The following FOSB variants were observed in gnomAD, a reference collection of about 807,000 sequenced individuals.
The protein encoded by FOSB is FosB proto-oncogene, AP-1 transcription factor subunit, also known as protein FosB.
FOSB carries 8 observed loss-of-function variants against 31.1 expected under a neutral mutation model. The observed-to-expected ratio is 0.26, with a 90% CI of 0.15 to 0.46. The LOEUF is 0.46. Among genes scored for constraint, FOSB ranks in the 20% least tolerant of loss-of-function variants. The probability of loss-of-function intolerance (pLI) is 0.99; values close to 1 mark genes in which losing one functional copy is unlikely to be tolerated. For missense variants in FOSB, 376 were observed against 460.6 expected (o/e 0.82, Z 1.68); for synonymous variants, 214 against 206.1 (o/e 1.04, Z -0.33).
chr19:45,469,540 C>T (rs761915848), intron 1 of FOSB, among the ~76,000 whole-genome samples: 30 of 152,214 alleles, frequency 2.0e-4, no homozygotes, highest in Non-Finnish European at 2.6e-4. Context: ...GGGAGGGGAT[C>T]CCTGTCGTGA....
chr19:45,473,216 T>G lies in FOSB; in HGVS notation c.*204T>G. The G allele has an allele frequency of 8.3e-6, 4 of 482,616 alleles. No individual in the cohort carries two copies. Among genetic ancestry groups the G allele is most frequent in the Non-Finnish European group, 1.5e-5 (4 of 270,642 alleles). 29.9% of individuals were successfully genotyped at this position (482,616 alleles called of 1,614,324 possible). ...TGTTTTGTCCTGCCTCTTGTTTCTG[T>G]GCCCCGGCGAGGCCGGAGAGCTGGT... On this transcript the variant is annotated 3_prime_UTR_variant, in exon 4 of 4. Transcript: ENST00000353609.
At chr19:45,471,375 C>A in intron 3 of FOSB, 74 bp downstream of exon 3, 2 of 1,072,442 alleles carry the variant, frequency 1.9e-6, no homozygotes, top group Non-Finnish European at 2.8e-6. Context: ...CCCTCTCCAC[C>A]TGTACCCTTA....
chr19:45,471,496 T>TTCCCCC (rs554075650), intron 3 of FOSB, 195 bp downstream of exon 3: 1 of 362,734 alleles, frequency 2.8e-6, no homozygotes, highest in Non-Finnish European at 4.9e-6. Flanking sequence ...CAACTCCTGG[T>TTCCCCC]CCCCCCCCCA....
chr19:45,472,510 C>G lies in FOSB; in HGVS notation c.556-41C>G. ...CCGGTCACTGACATGCTTTTTTCTC[C>G]TTCCTCTCTCTCTTCTGTGACCTGG... On this transcript the variant is annotated intron_variant, in intron 3 of 3. Coordinates refer to ENST00000353609, the MANE Select transcript of FOSB (RefSeq NM_006732.3). This position sits in a 1 kb window ranked among gnomAD's most constrained non-coding sequence, Gnocchi z 5.4. 6.9e-7 allele frequency: 1 copy of G among 1,441,738 alleles called. No individual in the cohort carries two copies. Among genetic ancestry groups the G allele is most frequent in the Non-Finnish European group, 9.2e-7 (1 of 1,086,448 alleles). The allele number at this position is 1,441,738 out of a possible 1,614,324, so 89.3% of individuals were successfully genotyped here. A position where few individuals can be genotyped will look rare whatever the true frequency, so the allele number is the denominator to read the frequency against.
Position 45,468,342 on chromosome 19 carries a change from G to T in FOSB, c.-245G>T. ...CCTACGGAGCCTGCACTTTCAAGAG[G>T]TACAGCGGCATCCTGTGGGGGCCTG... On this transcript the variant is annotated 5_prime_UTR_variant, in exon 1 of 4. Coordinates refer to ENST00000353609, the MANE Select transcript of FOSB (RefSeq NM_006732.3). This position sits in a 1 kb window ranked among gnomAD's most constrained non-coding sequence, Gnocchi z 4.8. The T allele has an allele frequency of 2.2e-6, 1 of 464,910 alleles. No individual in the cohort carries two copies. The highest frequency in any genetic ancestry group is 4.1e-5 in the East Asian group (1 of 24,524). The allele number at this position is 464,910 out of a possible 1,614,324, so 28.8% of individuals were successfully genotyped here.
Position 45,470,645 on chromosome 19 carries a change from G to A in FOSB, c.143G>A (p.Gly48Glu). 2 of 1,609,268 alleles carry A rather than the reference G, an allele frequency of 1.2e-6. No individual in the cohort carries two copies. Among genetic ancestry groups the A allele is most frequent in the Non-Finnish European group, 1.7e-6 (2 of 1,177,882 alleles). Residue 48 changes from glycine to glutamate, a missense_variant, in exon 2 of 4, where the codon GGG (glycine) becomes GAG (glutamate). Physicochemically the swap from Gly to Glu is moderately conservative, Grantham distance 98. This residue lies in a region of FOSB where 193 missense variants were observed against 207.1 expected (regional missense o/e 0.93). Transcript: ENST00000353609. ...ACCCCGTAGGAGTGCGCCGGTCTCGGGGAAATGCCCGGTTCCTTCGTGCCC... is the reference window on the plus strand; with the variant it reads ...ACCCCGTAGGAGTGCGCCGGTCTCGAGGAAATGCCCGGTTCCTTCGTGCCC... ...AAASQECAGL[G>E]EMPGSFVPTV... is the part of the protein sequence containing the mutation.
chr19:45,469,887 A>T (rs1222703929), intron 1 of FOSB: 1 of 152,076 alleles, frequency 6.6e-6, no homozygotes, highest in Non-Finnish European at 1.5e-5. Flanking sequence ...GAGAGTAGTT[A>T]AGCCTTCAGA....
chr19:45,472,494 G>T lies in FOSB; in HGVS notation c.556-57G>T. The T allele has an allele frequency of 1.4e-6, 2 of 1,389,226 alleles. No individual in the cohort carries two copies. The highest frequency in any genetic ancestry group is 3.2e-5 in the South Asian group (2 of 63,092). 86.1% of individuals were successfully genotyped at this position (1,389,226 alleles called of 1,614,324 possible). A position where few individuals can be genotyped will look rare whatever the true frequency, so the allele number is the denominator to read the frequency against. On this transcript the variant is annotated intron_variant, in intron 3 of 3. Coordinates refer to ENST00000353609, the MANE Select transcript of FOSB (RefSeq NM_006732.3). The surrounding 1 kb of genome is among the most constrained non-coding windows in gnomAD (Gnocchi z 5.4). ...CCATGACCCGAGTTTCCCGGTCACT[G>T]ACATGCTTTTTTCTCCTTCCTCTCT...
Position 45,468,499 on chromosome 19 carries a change from A to G in FOSB, c.-88A>G. 7.0e-7 allele frequency: 1 copy of G among 1,437,786 alleles called. No individual in the cohort carries two copies. The highest frequency in any genetic ancestry group is 1.4e-5 in the African/African-American group (1 of 69,698). 89.1% of individuals were successfully genotyped at this position (1,437,786 alleles called of 1,614,324 possible). A position where few individuals can be genotyped will look rare whatever the true frequency, so the allele number is the denominator to read the frequency against. On this transcript the variant is annotated 5_prime_UTR_variant, in exon 1 of 4. Transcript: ENST00000353609. The surrounding 1 kb of genome is among the most constrained non-coding windows in gnomAD (Gnocchi z 4.8). ...CGGGGACTCCCACGGCTCACCCCGGACTTGCACCTTACTTCCCCAACCCGG... is the reference window on the plus strand; with the variant it reads ...CGGGGACTCCCACGGCTCACCCCGGGCTTGCACCTTACTTCCCCAACCCGG...
At position 45,474,313 on chromosome 19, in the gene FOSB, G is replaced by A. The variant is rs146975878; in HGVS notation, c.*1301G>A. 6.6e-6 allele frequency: 1 copy of A among 152,586 alleles called. No individual in the cohort carries two copies. The highest frequency in any genetic ancestry group is 1.5e-5 in the Non-Finnish European group (1 of 68,008). 9.5% of individuals were successfully genotyped at this position (152,586 alleles called of 1,614,324 possible). On this transcript the variant is annotated 3_prime_UTR_variant, in exon 4 of 4. Transcript: ENST00000353609. Reference sequence around the variant, plus strand: ...TTTGGACTGGCAGACTCAAGGGGCTGGAATCTCATGATTCCATGCCCGAGT... The same window carrying A: ...TTTGGACTGGCAGACTCAAGGGGCTAGAATCTCATGATTCCATGCCCGAGT...
rs956679838 is a variant in FOSB at position 45,473,357 on chromosome 19, C to T, written c.*345C>T. On this transcript the variant is annotated 3_prime_UTR_variant, in exon 4 of 4. Transcript: ENST00000353609. ...GAGGGGGGCGGGTGACGCCCACCTT[C>T]GGGCAGTCCTGTGTGAGGATTAAGG... 10 of 105,946 alleles carry T rather than the reference C, an allele frequency of 9.4e-5. No individual in the cohort carries two copies. The highest frequency in any genetic ancestry group is 8.0e-4 in the Admixed American group (5 of 6,258). The allele number at this position is 105,946 out of a possible 1,614,324, so 6.6% of individuals were successfully genotyped here.
Position 45,469,100 on chromosome 19 carries a change from A to T in FOSB, c.126+388A>T, listed in dbSNP as rs1332570461. ...GGGAAATCCCGGGGAAGCTTCCAGC[A>T]GTCTCTTTTCCTTTCCTCCTCCTTC... is the stretch of plus-strand genomic sequence containing the variant. On this transcript the variant is annotated intron_variant, in intron 1 of 3. Transcript: ENST00000353609. 2.6e-5 allele frequency among the ~76,000 whole-genome samples: 4 copies of T among 152,360 alleles called. No homozygotes were observed. In the South Asian group the frequency reaches 6.2e-4, roughly 24 times the overall value.
rs908609986 is a variant in FOSB at position 45,468,381 on chromosome 19, G to A, written c.-206G>A. The stretch of plus-strand genomic sequence containing the variant: ...TGTGGGGGCCTGGGCACCGCAGGAA[G>A]ACTGCACAGAAACTTTGCCATTGTT... On this transcript the variant is annotated 5_prime_UTR_variant, in exon 1 of 4. Transcript: ENST00000353609. The surrounding 1 kb of genome is among the most constrained non-coding windows in gnomAD (Gnocchi z 4.8). The A allele has an allele frequency of 1.6e-4, 98 of 597,734 alleles. No homozygotes were observed. The highest frequency in any genetic ancestry group is 2.8e-4 in the Non-Finnish European group (94 of 339,032). The allele number at this position is 597,734 out of a possible 1,614,324, so 37.0% of individuals were successfully genotyped here. A position where few individuals can be genotyped will look rare whatever the true frequency, so the allele number is the denominator to read the frequency against.
Position 45,474,463 on chromosome 19 carries a change from C to G in FOSB, c.*1451C>G, listed in dbSNP as rs1202850381. On this transcript the variant is annotated 3_prime_UTR_variant, in exon 4 of 4. Transcript: ENST00000353609. Reference sequence around the variant, plus strand: ...ATCGGGGGGTGGACCACGCCGCCCTCCATCCGTGCTGCATGAAAAACATTC... The same window carrying G: ...ATCGGGGGGTGGACCACGCCGCCCTGCATCCGTGCTGCATGAAAAACATTC... The G allele has an allele frequency of 6.6e-6, 1 of 152,520 alleles. No individual in the cohort carries two copies. Among genetic ancestry groups the G allele is most frequent in the African/African-American group, 2.4e-5 (1 of 41,374 alleles). The allele number at this position is 152,520 out of a possible 1,614,324, so 9.4% of individuals were successfully genotyped here.
chr19:45,468,864 G>A lies in FOSB; in HGVS notation c.126+152G>A, dbSNP rs143428660. The A allele has an allele frequency of 1.1e-6, 1 of 903,478 alleles. No homozygotes were observed. The highest frequency in any genetic ancestry group is 1.6e-6 in the Non-Finnish European group (1 of 619,360). The allele number at this position is 903,478 out of a possible 1,614,324, so 56.0% of individuals were successfully genotyped here. A position where few individuals can be genotyped will look rare whatever the true frequency, so the allele number is the denominator to read the frequency against. On this transcript the variant is annotated intron_variant, in intron 1 of 3. Coordinates refer to ENST00000353609, the MANE Select transcript of FOSB (RefSeq NM_006732.3). The surrounding 1 kb of genome is among the most constrained non-coding windows in gnomAD (Gnocchi z 4.8). ...CAGCGCACTTTGCAAACTGCAAAGA[G>A]TCGGGAGATGTTTGCAATTGGTTGC...
rs1967703599 is a variant in FOSB at position 45,472,218 on chromosome 19, G to C, written c.556-333G>C. The C allele has an allele frequency of 4.8e-6, 1 of 207,504 alleles. No homozygotes were observed. Among genetic ancestry groups the C allele is most frequent in the Admixed American group, 5.7e-5 (1 of 17,544 alleles). The allele number at this position is 207,504 out of a possible 1,614,324, so 12.9% of individuals were successfully genotyped here. A position where few individuals can be genotyped will look rare whatever the true frequency, so the allele number is the denominator to read the frequency against. On this transcript the variant is annotated intron_variant, in intron 3 of 3. Coordinates refer to ENST00000353609, the MANE Select transcript of FOSB (RefSeq NM_006732.3). This position sits in a 1 kb window ranked among gnomAD's most constrained non-coding sequence, Gnocchi z 5.4. Reference sequence around the variant, plus strand: ...ATTGCACTCCAGCCTGGGGGACAGAGCGAGACTCTGGCTCAAAAGCAAAAC... The same window carrying C: ...ATTGCACTCCAGCCTGGGGGACAGACCGAGACTCTGGCTCAAAAGCAAAAC...
intron 1 of FOSB, chr19:45,470,397 G>T: frequency 1.8e-6 from 1 of 546,510 alleles, no homozygotes; most frequent in South Asian, 2.6e-5. Context: ...ACCTTTCCCC[G>T]AGGAAGAAGG....
At chr19:45,470,450 C>T in intron 1 of FOSB, 179 bp from the exon 2 acceptor site, 2 of 631,556 alleles carry the variant, frequency 3.2e-6, no homozygotes, top group African/African-American at 3.6e-5. Context: ...TCATTAACCA[C>T]TGCGTCACGG....
rs770758336 is a variant in FOSB, at chr19:45,472,682, G to T, written c.687G>T (p.Gly229=). The change falls in exon 4 of 4, where the codon GGG becomes GGT. Residue 229 remains glycine, a synonymous_variant. Transcript: ENST00000353609. This position sits in a 1 kb window ranked among gnomAD's most constrained non-coding sequence, Gnocchi z 5.4. ...KPGCKIPYEE[G]PGPGPLAEVR... is the part of the protein sequence containing the mutation. Reference sequence around the variant, plus strand: ...GCTGCAAGATCCCCTACGAAGAGGGGCCCGGGCCGGGCCCGCTGGCGGAGG... The same window carrying T: ...GCTGCAAGATCCCCTACGAAGAGGGTCCCGGGCCGGGCCCGCTGGCGGAGG... The T allele has an allele frequency of 1.2e-6, 2 of 1,607,498 alleles. No homozygotes were observed. The highest frequency in any genetic ancestry group is 2.2e-5 in the East Asian group (1 of 44,780).
Sources: allele counts gnomAD v4.1 joint callset (sites outside exome capture counted in the v4.1 genomes callset), GRCh38; gene constraint gnomAD v4.1.1; regional missense constraint gnomAD v4.1.1; non-coding constraint Gnocchi (gnomAD v3.1); transcripts MANE v1.5; gene names NCBI Gene and HGNC (gene_info 2026-07-23, HGNC 2026-07-21).